The following PCOLCE2 variants were observed in gnomAD, a reference collection of about 807,000 sequenced individuals.
PCOLCE2 encodes the protein procollagen C-endopeptidase enhancer 2, also known as procollagen C-proteinase enhancer 2.
PCOLCE2 carries 42 observed loss-of-function variants against 47.0 expected under a neutral mutation model. That is an observed-to-expected ratio of 0.89 (90% CI 0.70 to 1.16). The LOEUF (loss-of-function observed/expected upper bound fraction) is 1.16, where lower values mean the gene tolerates loss of function less well. PCOLCE2 is among the 50% of genes most tolerant of loss of function. The pLI, the probability that PCOLCE2 is intolerant of heterozygous loss-of-function variation, is 0.00. For synonymous variants in PCOLCE2, 169 were observed against 191.7 expected (o/e 0.88, Z 0.98); for missense variants, 500 against 526.1 (o/e 0.95, Z 0.49).
intron 3 of PCOLCE2, among the ~76,000 whole-genome samples, chr3:142,847,294 A>G (rs952763604): frequency 2.6e-5 from 4 of 152,170 alleles, no homozygotes; most frequent in African/African-American, 9.7e-5. Context: ...TTGTGCCTCA[A>G]TTCTGTAACT....
At chr3:142,856,834 T>G (rs1385823265) in intron 2 of PCOLCE2, among the ~76,000 whole-genome samples, 5 of 151,880 alleles carry the variant, frequency 3.3e-5, no homozygotes, top group African/African-American at 1.2e-4. Flanking sequence ...TATACATTCC[T>G]CATCCATGTT....
Position 142,888,870 on chromosome 3 carries a change from T to A in PCOLCE2, c.27A>T (p.Pro9=). 6.5e-7 allele frequency: 1 copy of A among 1,545,268 alleles called. No individual in the cohort carries two copies. The highest frequency in any genetic ancestry group is 8.7e-7 in the Non-Finnish European group (1 of 1,148,736). The change falls in exon 1 of 9, where the codon CCA becomes CCT. Residue 9 remains proline (P), a synonymous_variant. Transcript: ENST00000295992. ...TGGCGGCAGCCAGCAGCAGGCAGAGTGGCGCCCAGGCGTTCGCGCCCCTCA... is the reference window on the plus strand; with the variant it reads ...TGGCGGCAGCCAGCAGCAGGCAGAGAGGCGCCCAGGCGTTCGCGCCCCTCA... MRGANAWA[P]LCLLLAAATQ...
intron 7 of PCOLCE2, 63 bp downstream of exon 7, chr3:142,823,469 G>A (rs1360748357): frequency 1.1e-6 from 1 of 948,350 alleles, no homozygotes; most frequent in Non-Finnish European, 1.7e-6. Context: ...GAATTCCTTT[G>A]AGATTAAGCA....
chr3:142,823,438 C>A (rs916116217), intron 7 of PCOLCE2, 94 bp downstream of exon 7: 4 of 749,738 alleles, frequency 5.3e-6, no homozygotes, highest in African/African-American at 1.7e-5. Context: ...GCGTTATTGA[C>A]CCTTCACCAT....
At chr3:142,827,429 C>G (rs747280419) in intron 6 of PCOLCE2, 43 of 1,563,744 alleles carry the variant, frequency 2.7e-5, no homozygotes, top group Admixed American at 2.0e-4. Flanking sequence ...CAGCTTCACA[C>G]GGGTCTTCTT....
At chr3:142,835,072 G>T (rs921995775) in intron 5 of PCOLCE2, among the ~76,000 whole-genome samples, 3 of 149,622 alleles carry the variant, frequency 2.0e-5, no homozygotes, top group Non-Finnish European at 4.5e-5. Flanking sequence ...TTCTCTATTT[G>T]TCTATTAGAC....
intron 3 of PCOLCE2, among the ~76,000 whole-genome samples, chr3:142,844,545 T>A (rs1191143081): frequency 6.6e-6 from 1 of 152,230 alleles, no homozygotes; most frequent in Non-Finnish European, 1.5e-5. Context: ...TTGCTTTACA[T>A]CTTTGCTACC....
At chr3:142,830,486 C>A (rs571331538) in intron 5 of PCOLCE2, among the ~76,000 whole-genome samples, 1 of 152,010 alleles carries the variant, frequency 6.6e-6, no homozygotes, top group Non-Finnish European at 1.5e-5. Flanking sequence ...GGCAGTTCTT[C>A]GGTATGTCTG....
intron 2 of PCOLCE2, among the ~76,000 whole-genome samples, chr3:142,882,387 T>C (rs1933641954): frequency 6.6e-6 from 1 of 152,124 alleles, no homozygotes; most frequent in Non-Finnish European, 1.5e-5. Flanking sequence ...AGTTGTATTC[T>C]AGGTGGACCC....
chr3:142,827,446 A>G, intron 6 of PCOLCE2: 1 of 1,559,470 alleles, frequency 6.4e-7, no homozygotes, highest in Non-Finnish European at 8.8e-7. Flanking sequence ...TCTTGGTCTC[A>G]GGGTTGTGGG....
At chr3:142,880,998 A>C (rs1255542465) in intron 2 of PCOLCE2, among the ~76,000 whole-genome samples, 1 of 152,226 alleles carries the variant, frequency 6.6e-6, no homozygotes, top group Non-Finnish European at 1.5e-5. Context: ...TCAACACTTA[A>C]AACTGCTTAC....
intron 2 of PCOLCE2, among the ~76,000 whole-genome samples, chr3:142,851,569 A>G (rs1932944247): frequency 1.3e-5 from 2 of 152,180 alleles, no homozygotes; most frequent in South Asian, 4.1e-4. Context: ...GTGGTGGAGT[A>G]AGGACAAAAT....
intron 5 of PCOLCE2, among the ~76,000 whole-genome samples, chr3:142,830,462 A>G (rs1225034777): frequency 1.3e-5 from 2 of 152,200 alleles, no homozygotes; most frequent in Non-Finnish European, 2.9e-5. Context: ...AAGGACTTCC[A>G]TTTCATTTTC....
At chr3:142,830,505 A>T (rs538749141) in intron 5 of PCOLCE2, among the ~76,000 whole-genome samples, 1 of 152,232 alleles carries the variant, frequency 6.6e-6, no homozygotes, top group East Asian at 1.9e-4. Flanking sequence ...TGAAATGGAA[A>T]CATTTCTATT....
chr3:142,834,598 G>A (rs559995471), intron 5 of PCOLCE2, among the ~76,000 whole-genome samples: 24 of 152,154 alleles, frequency 1.6e-4, no homozygotes, highest in Admixed American at 5.2e-4. Flanking sequence ...AATAACATAA[G>A]TCCACAAGTC....
In PCOLCE2 at chr3:142,848,452, G is replaced by A. The variant is rs756422671; in HGVS notation, c.213C>T (p.Val71=). The change falls in exon 3 of 9, where the codon GTC becomes GTT. Residue 71 remains valine (V), a synonymous_variant. Coordinates refer to ENST00000295992, the MANE Select transcript of PCOLCE2 (RefSeq NM_013363.4). The part of the protein sequence containing the change: ...WKITVPEGKV[V]VLNFRFIDLE... ...GGTCTATGAATCGGAAATTGAGAAC[G>A]ACTACTTTTCCTTCGGGAACCTGCC... is the stretch of plus-strand genomic sequence containing the variant. 19 of 1,599,658 alleles carry A rather than the reference G, an allele frequency of 1.2e-5. No individual in the cohort carries two copies. The highest frequency in any genetic ancestry group is 1.6e-5 in the Non-Finnish European group (19 of 1,168,582).
chr3:142,830,471 T>G (rs1937132825), intron 5 of PCOLCE2, among the ~76,000 whole-genome samples: 1 of 152,238 alleles, frequency 6.6e-6, no homozygotes, highest in Non-Finnish European at 1.5e-5. Context: ...CATTTCATTT[T>G]CAATGGCAGT....
intron 2 of PCOLCE2, among the ~76,000 whole-genome samples, chr3:142,858,831 A>T (rs1486099559): frequency 6.6e-6 from 1 of 152,152 alleles, no homozygotes; most frequent in Non-Finnish European, 1.5e-5. Flanking sequence ...AAACTGAAAC[A>T]AAGTACTTAA....
chr3:142,887,640 A>G, intron 2 of PCOLCE2, 29 bp downstream of exon 2: 1 of 1,167,672 alleles, frequency 8.6e-7, no homozygotes, highest in Non-Finnish European at 1.3e-6. Flanking sequence ...ACCCACTTCC[A>G]GGAGAATACC....
Sources: gnomAD v4.1 joint callset for allele counts (sites outside exome capture counted in the v4.1 genomes callset) on GRCh38, gnomAD v4.1.1 for gene constraint, MANE v1.5 for transcripts, NCBI Gene and HGNC (gene_info 2026-07-23, HGNC 2026-07-21) for gene names.